CEP128: variants seen among roughly 807,000 people sequenced by gnomAD.
The protein encoded by CEP128 is centrosomal protein 128kDa.
A neutral mutation model predicts 156.7 loss-of-function variants in CEP128; 132 were observed. The ratio of observed to expected loss-of-function variants is 0.84; its 90% CI spans 0.73 to 0.97. CEP128 has a LOEUF of 0.97. Ranked by LOEUF, CEP128 falls within the 50% of genes least tolerant of loss-of-function variation. The probability of loss-of-function intolerance (pLI) is 0.00; values close to 1 mark genes in which losing one functional copy is unlikely to be tolerated. For synonymous variants in CEP128, 469 were observed against 448.9 expected (o/e 1.04, Z -0.57); for missense variants, 1,252 against 1,281.9 (o/e 0.98, Z 0.36).
Position 80,820,225 on chromosome 14 carries a change from C to T in CEP128, c.1209+10918G>A, listed in dbSNP as rs960142500. Among the ~76,000 whole-genome samples, 25 of 152,174 alleles carry T rather than the reference C, an allele frequency of 1.6e-4. 1 individual carries two copies. Among genetic ancestry groups the T allele is most frequent in the Admixed American group, 1.4e-3 (21 of 15,280 alleles). ...CTCCAATATCTGAAGAGTCTATATG[C>T]CTATTGACATTTCTTGTTTTTTCTC... On this transcript the variant is annotated intron_variant, in intron 13 of 24. Transcript: ENST00000555265.
intron 13 of CEP128, among the ~76,000 whole-genome samples, chr14:80,820,433 CA>C (rs1242156786): frequency 1.3e-5 from 2 of 152,202 alleles, no homozygotes; most frequent in Non-Finnish European, 2.9e-5. Context: ...AGCTATGTTA[CA>C]ATGCTACAGT....
chr14:80,845,289 C>T (rs768059546), intron 9 of CEP128, among the ~76,000 whole-genome samples: 6 of 152,154 alleles, frequency 3.9e-5, no homozygotes, highest in Admixed American at 6.5e-5. Context: ...TATTCCCTAA[C>T]ATGCCATTGC....
chr14:80,843,069 A>C (rs2140091327), intron 9 of CEP128, among the ~76,000 whole-genome samples: 1 of 152,098 alleles, frequency 6.6e-6, no homozygotes, highest in East Asian at 1.9e-4. Flanking sequence ...TTTTCTTTTC[A>C]GAGAGTAGTA....
intron 10 of CEP128, among the ~76,000 whole-genome samples, chr14:80,840,149 T>C (rs1886281821): frequency 6.6e-6 from 1 of 152,160 alleles, no homozygotes; most frequent in South Asian, 2.1e-4. Context: ...TAAATCTACT[T>C]ATTTGCAAAT....
At chr14:80,652,894 GT>G (rs1160485051) in intron 19 of CEP128, among the ~76,000 whole-genome samples, 1 of 152,164 alleles carries the variant, frequency 6.6e-6, no homozygotes, top group African/African-American at 2.4e-5. Flanking sequence ...GCACACGTAT[GT>G]TTATTGCAGC....
intron 19 of CEP128, among the ~76,000 whole-genome samples, chr14:80,648,114 C>T (rs1409638385): frequency 1.3e-5 from 2 of 151,906 alleles, no homozygotes; most frequent in Non-Finnish European, 1.5e-5. Context: ...AGAAATAAGG[C>T]TATCTCAAAA....
At chr14:80,615,917 C>T (rs1405614864) in intron 19 of CEP128, among the ~76,000 whole-genome samples, 2 of 151,992 alleles carry the variant, frequency 1.3e-5, no homozygotes, top group East Asian at 1.9e-4. Flanking sequence ...GAAAGGCCCA[C>T]CAGTGTACAA....
At chr14:80,529,587 C>A (rs982286282) in intron 22 of CEP128, among the ~76,000 whole-genome samples, 1 of 152,088 alleles carries the variant, frequency 6.6e-6, no homozygotes, top group Admixed American at 6.6e-5. Flanking sequence ...CAAGTGCAAC[C>A]TGTTTCCCAT....
chr14:80,649,332 T>G (rs1460776102), intron 19 of CEP128, among the ~76,000 whole-genome samples: 2 of 152,086 alleles, frequency 1.3e-5, no homozygotes, highest in South Asian at 2.1e-4. Flanking sequence ...ACAATCTCAC[T>G]TGTTAAAGAA....
intron 19 of CEP128, among the ~76,000 whole-genome samples, chr14:80,678,040 T>TAAA (rs754768782): frequency 1.5e-4 from 5 of 32,536 alleles, no homozygotes; most frequent in South Asian, 1.8e-3. Context: ...AGTTGCTCTA[T>TAAA]AAAAAAAAAA....
chr14:80,945,038 T>A (rs1886307252), upstream of CEP128, among the ~76,000 whole-genome samples: 1 of 152,052 alleles, frequency 6.6e-6, no homozygotes, highest in African/African-American at 2.4e-5. Context: ...ATGTATTAGT[T>A]TACTAGGGAT....
intron 19 of CEP128, among the ~76,000 whole-genome samples, chr14:80,670,827 A>C (rs573071288): frequency 6.6e-6 from 1 of 152,308 alleles, no homozygotes; most frequent in Non-Finnish European, 1.5e-5. Flanking sequence ...TAAATGTTGA[A>C]TCTATTTTAG....
chr14:80,870,380 A>C (rs939669792), intron 8 of CEP128, among the ~76,000 whole-genome samples: 2 of 151,940 alleles, frequency 1.3e-5, no homozygotes, highest in African/African-American at 4.8e-5. Flanking sequence ...ACATTAAAAG[A>C]ATCATTACAC....
At chr14:80,622,266 G>A (rs1478359629) in intron 19 of CEP128, among the ~76,000 whole-genome samples, 1 of 151,996 alleles carries the variant, frequency 6.6e-6, no homozygotes, top group African/African-American at 2.4e-5. Flanking sequence ...TCATTGAGAT[G>A]AACCTCTAAG....
At chr14:80,783,622 T>A (rs180946582) in intron 15 of CEP128, among the ~76,000 whole-genome samples, 1 of 152,324 alleles carries the variant, frequency 6.6e-6, no homozygotes, top group African/African-American at 2.4e-5. Flanking sequence ...CTTCTCCATA[T>A]CCCAAACTCT....
At chr14:80,638,966 T>C (rs1894302024) in intron 19 of CEP128, among the ~76,000 whole-genome samples, 1 of 152,188 alleles carries the variant, frequency 6.6e-6, no homozygotes, top group African/African-American at 2.4e-5. Flanking sequence ...CAAGGAAGTA[T>C]TGAAAGTTGA....
intron 19 of CEP128, among the ~76,000 whole-genome samples, chr14:80,663,784 A>G (rs529337871): frequency 1.3e-5 from 2 of 152,340 alleles, no homozygotes; most frequent in South Asian, 2.1e-4. Flanking sequence ...GCAGAGCCCA[A>G]TTATAATCAC....
intron 15 of CEP128, among the ~76,000 whole-genome samples, chr14:80,779,586 A>T (rs1368485967): frequency 6.6e-6 from 1 of 152,170 alleles, no homozygotes; most frequent in Non-Finnish European, 1.5e-5. Flanking sequence ...GAAACTGTCA[A>T]AGCCAACTGG....
chr14:80,507,110 C>T (rs1189029249), intron 23 of CEP128, among the ~76,000 whole-genome samples: 1 of 151,772 alleles, frequency 6.6e-6, no homozygotes, highest in Non-Finnish European at 1.5e-5. Context: ...TTCCCTGAGG[C>T]CTCCCCAAAG....
Sources: allele counts gnomAD v4.1 joint callset (sites outside exome capture counted in the v4.1 genomes callset), GRCh38; gene constraint gnomAD v4.1.1; transcripts MANE v1.5; gene names NCBI Gene and HGNC (gene_info 2026-07-23, HGNC 2026-07-21).